Variants in SNRPN observed in about 807,000 individuals in gnomAD.
SNRPN encodes small nuclear ribonucleoprotein polypeptide N.
In SNRPN, 7 loss-of-function variants were observed where a neutral mutation model predicts 25.2. The ratio of observed to expected loss-of-function variants is 0.28; its 90% CI spans 0.16 to 0.52. The LOEUF (loss-of-function observed/expected upper bound fraction) is 0.52. Among genes scored for constraint, SNRPN ranks in the 20% least tolerant of loss-of-function variants. SNRPN has a pLI of 0.96. For synonymous variants in SNRPN, 124 were observed against 110.6 expected, an observed-to-expected ratio of 1.12 and a Z score of -0.76; for missense variants, 196 against 322.5, an observed-to-expected ratio of 0.61 and a Z score of 3.00.
chr15:24,838,641 G>A (rs555882226), intron 2 of SNRPN, among the ~76,000 whole-genome samples: 1 of 152,066 alleles, frequency 6.6e-6, no homozygotes. Context: ...GTCTGTCCCT[G>A]TGCTGAGGTT....
chr15:24,843,810 C>CAA (rs2051925120), intron 2 of SNRPN, among the ~76,000 whole-genome samples: 3 of 150,874 alleles, frequency 2.0e-5, no homozygotes, highest in African/African-American at 7.3e-5. Context: ...CACACACACA[C>CAA]ACACACAGAA....
At position 24,966,307 on chromosome 15, in the gene SNRPN, T is replaced by G. The variant is rs150909146; in HGVS notation, c.-294-1625T>G. Among the ~76,000 whole-genome samples, 6 of 152,280 alleles carry G rather than the reference T, an allele frequency of 3.9e-5. No individual in the cohort carries two copies. In the East Asian group the frequency reaches 1.2e-3, roughly 29 times the overall value. ...TAGTTTTTTTTATAAAGGATACAAA[T>G]GAACAGATGCATAGAGCAAAATCTG... On this transcript the variant is annotated intron_variant, in intron 2 of 9. Transcript: ENST00000390687.
At chr15:24,901,734 C>T (rs905509939) in intron 2 of SNRPN, among the ~76,000 whole-genome samples, 3 of 152,172 alleles carry the variant, frequency 2.0e-5, no homozygotes, top group Admixed American at 2.0e-4. Context: ...GAGTCAACAT[C>T]AGTTTCTGAA....
At chr15:24,865,046 CT>C (rs35703226) in intron 1 of SNRPN, among the ~76,000 whole-genome samples, 1,404 of 132,972 alleles carry the variant, frequency 0.011, 7 homozygotes, top group Non-Finnish European at 0.014. Flanking sequence ...GGAGACTGAG[CT>C]TTTTTTTTTT....
At chr15:24,955,685 G>A (rs1288281980) in intron 1 of SNRPN, among the ~76,000 whole-genome samples, 1 of 148,030 alleles carries the variant, frequency 6.8e-6, no homozygotes, top group Non-Finnish European at 1.5e-5. Flanking sequence ...ACAGTGGTGG[G>A]GGTTGTGTTG....
chr15:24,972,399 A>G (rs1169437190), intron 3 of SNRPN, among the ~76,000 whole-genome samples: 2 of 152,176 alleles, frequency 1.3e-5, no homozygotes, highest in Non-Finnish European at 2.9e-5. Context: ...TAGGACAGAA[A>G]CTACATTTAA....
At chr15:24,961,586 T>C (rs1404598072) in intron 1 of SNRPN, among the ~76,000 whole-genome samples, 1 of 152,234 alleles carries the variant, frequency 6.6e-6, no homozygotes, top group Non-Finnish European at 1.5e-5. Context: ...GTGGATAGTT[T>C]TTAGCTTGAG....
chr15:24,867,422 T>G (rs185895486), intron 1 of SNRPN, among the ~76,000 whole-genome samples: 1,931 of 152,010 alleles, frequency 0.013, 51 homozygotes, highest in African/African-American at 0.045. Context: ...TCGCCCAGGC[T>G]GGAGTGCAGT....
At chr15:24,835,143 C>CTA (rs960064882) in intron 2 of SNRPN, among the ~76,000 whole-genome samples, 1 of 58,660 alleles carries the variant, frequency 1.7e-5, no homozygotes, top group Non-Finnish European at 3.4e-5. Context: ...GATATATATA[C>CTA]TATATATAAA....
intron 3 of SNRPN, among the ~76,000 whole-genome samples, chr15:24,922,708 TTG>T (rs2060101796): frequency 6.6e-6 from 1 of 152,102 alleles, no homozygotes; most frequent in Non-Finnish European, 1.5e-5. Context: ...TTTATCCATG[TTG>T]TGTGTAATTC....
At chr15:24,893,315 G>C (rs2057828429) in intron 2 of SNRPN, among the ~76,000 whole-genome samples, 1 of 151,500 alleles carries the variant, frequency 6.6e-6, no homozygotes, top group Admixed American at 6.6e-5. Flanking sequence ...TGATCATAGA[G>C]GTCTTAAAAA....
At chr15:24,960,639 T>C (rs576235666) in intron 1 of SNRPN, among the ~76,000 whole-genome samples, 2 of 152,352 alleles carry the variant, frequency 1.3e-5, no homozygotes, top group South Asian at 4.1e-4. Context: ...GTGACTAATG[T>C]TCAGCATCAT....
At chr15:24,925,762 G>T (rs2060337217) in intron 3 of SNRPN, among the ~76,000 whole-genome samples, 1 of 147,830 alleles carries the variant, frequency 6.8e-6, no homozygotes. Flanking sequence ...TTTTTTTTGA[G>T]ACAGAGTCTC....
At chr15:24,967,641 TA>T (rs35079024) in intron 2 of SNRPN, among the ~76,000 whole-genome samples, 48,998 of 133,796 alleles carry the variant, frequency 0.37, 8,559 homozygotes, top group East Asian at 0.51. Flanking sequence ...GACTCTGTCT[TA>T]AAAAAAAAAA....
chr15:24,974,798 A>G (rs2076876563), intron 4 of SNRPN: 1 of 638,920 alleles, frequency 1.6e-6, no homozygotes, highest in African/African-American at 1.8e-5. Context: ...ACCTCTGGTG[A>G]TCCACCCACC....
chr15:24,921,427 T>A (rs1169060715), intron 3 of SNRPN, among the ~76,000 whole-genome samples: 2 of 152,152 alleles, frequency 1.3e-5, no homozygotes, highest in Non-Finnish European at 2.9e-5. Flanking sequence ...CTTCCTTCTG[T>A]TCATATAAAG....
At position 24,905,968 on chromosome 15, in the gene SNRPN, TCACC is replaced by T. The variant is rs562246240; in HGVS notation, c.-504-14040_-504-14037del. On this transcript the variant is annotated intron_variant, in intron 2 of 11. Transcript: ENST00000400097. ...GGAACGAAAAAGTAATATATTTTCA[TCACC>T]CATTACAAGGTTAACGAGTGAGACT... is the stretch of plus-strand genomic sequence containing the variant. Among the ~76,000 whole-genome samples the T allele has an allele frequency of 7.2e-5, 11 of 152,296 alleles. No homozygotes were observed. In the East Asian group the frequency reaches 2.1e-3, roughly 29 times the overall value.
chr15:24,938,522 G>C (rs2061375976), intron 3 of SNRPN, among the ~76,000 whole-genome samples: 1 of 151,868 alleles, frequency 6.6e-6, no homozygotes, highest in Admixed American at 6.6e-5. Context: ...TGATCTGCCT[G>C]CCTTGGCCTC....
chr15:24,839,350 G>A (rs1224334027), intron 2 of SNRPN, among the ~76,000 whole-genome samples: 1 of 152,044 alleles, frequency 6.6e-6, no homozygotes, highest in Non-Finnish European at 1.5e-5. Context: ...GAGGTCCTCT[G>A]GGGTGTTCAA....
Sources: gnomAD v4.1 joint callset for allele counts (sites outside exome capture counted in the v4.1 genomes callset) on GRCh38, gnomAD v4.1.1 for gene constraint, MANE v1.5 for transcripts, NCBI Gene and HGNC (gene_info 2026-07-23, HGNC 2026-07-21) for gene names.